The following VRK2 variants were observed in gnomAD, a reference collection of about 807,000 sequenced individuals.
The protein encoded by VRK2 is serine/threonine-protein kinase VRK2.
Under a neutral mutation model 57.6 loss-of-function variants are expected in VRK2, and 60 were observed. That is an observed-to-expected ratio of 1.04 (90% CI 0.85 to 1.29). VRK2 has a LOEUF of 1.29. Ranked by LOEUF, VRK2 falls within the 50% of genes most tolerant of loss-of-function variation. The pLI, the probability that VRK2 is intolerant of heterozygous loss-of-function variation, is 0.00. For missense variants in VRK2, 705 were observed against 588.1 expected (o/e 1.20, Z -2.06); for synonymous variants, 231 against 199.2 (o/e 1.16, Z -1.35).
intron 7 of VRK2, among the ~76,000 whole-genome samples, chr2:58,120,952 A>G (rs369406949): frequency 2.0e-4 from 30 of 152,346 alleles, no homozygotes; most frequent in East Asian, 1.9e-3. Flanking sequence ...TCAAACTCTC[A>G]TCTATATTGC....
chr2:57,993,384 A>G (rs955891697), intron 1 of VRK2, among the ~76,000 whole-genome samples: 5 of 152,146 alleles, frequency 3.3e-5, no homozygotes, highest in African/African-American at 1.2e-4. Context: ...GTACAGTTAC[A>G]TTAGAATTAA....
chr2:58,058,818 G>C (rs1350356574), intron 2 of VRK2, among the ~76,000 whole-genome samples: 2 of 152,038 alleles, frequency 1.3e-5, no homozygotes, highest in Non-Finnish European at 2.9e-5. Flanking sequence ...GCCTAAAGAG[G>C]ATACGTAAAT....
chr2:57,987,987 T>C (rs142172351), intron 1 of VRK2, among the ~76,000 whole-genome samples: 2,123 of 152,254 alleles, frequency 0.014, 27 homozygotes, highest in Middle Eastern at 0.031. Flanking sequence ...CAGTTGTTAC[T>C]AGGGCCTGGG....
At chr2:57,913,816 A>T (rs1204305539) in intron 1 of VRK2, among the ~76,000 whole-genome samples, 1 of 152,232 alleles carries the variant, frequency 6.6e-6, no homozygotes, top group East Asian at 1.9e-4. Flanking sequence ...TTAAAAAAAT[A>T]CTGTTTCTAT....
intron 1 of VRK2, among the ~76,000 whole-genome samples, chr2:57,922,721 G>T (rs932631794): frequency 6.6e-6 from 1 of 151,348 alleles, no homozygotes; most frequent in African/African-American, 2.4e-5. Context: ...ATGACCTCAA[G>T]AATTTATTCT....
chr2:57,986,652 G>A (rs1672604154), intron 1 of VRK2, among the ~76,000 whole-genome samples: 2 of 141,422 alleles, frequency 1.4e-5, no homozygotes, highest in African/African-American at 5.3e-5. Context: ...AGGCTGGAGT[G>A]CAGTGGCACG....
At chr2:57,934,140 T>C (rs1462747649) in intron 1 of VRK2, among the ~76,000 whole-genome samples, 1 of 152,246 alleles carries the variant, frequency 6.6e-6, no homozygotes, top group Non-Finnish European at 1.5e-5. Context: ...CCTTTGTCTT[T>C]TAATCATTAT....
chr2:57,946,826 T>C (rs1190116762), intron 1 of VRK2, among the ~76,000 whole-genome samples: 1 of 152,138 alleles, frequency 6.6e-6, no homozygotes, highest in South Asian at 2.1e-4. Context: ...GCGAGATTCA[T>C]GTGTGTGACA....
chr2:57,973,865 A>C (rs903114306), intron 1 of VRK2, among the ~76,000 whole-genome samples: 1 of 151,854 alleles, frequency 6.6e-6, no homozygotes, highest in African/African-American at 2.4e-5. Context: ...AAAAAAAATT[A>C]GTTGAAAATT....
chr2:58,119,982 C>G (rs1035042199), intron 7 of VRK2, among the ~76,000 whole-genome samples: 6 of 151,642 alleles, frequency 4.0e-5, no homozygotes, highest in Non-Finnish European at 7.4e-5. Flanking sequence ...ATGAAGACCT[C>G]CAAGAACATT....
At chr2:58,089,353 C>T (rs1335529340) in intron 6 of VRK2, among the ~76,000 whole-genome samples, 1 of 152,156 alleles carries the variant, frequency 6.6e-6, no homozygotes, top group Admixed American at 6.5e-5. Flanking sequence ...GGTTTGGCTA[C>T]TGGGCTATCA....
chr2:58,146,601 C>A, intron 12 of VRK2, 127 bp downstream of exon 12: 2 of 1,070,072 alleles, frequency 1.9e-6, no homozygotes, highest in Non-Finnish European at 2.6e-6. Flanking sequence ...TGAGAAGGGA[C>A]AGAAAATATC....
At chr2:58,012,023 T>G (rs1157184852) in intron 1 of VRK2, among the ~76,000 whole-genome samples, 1 of 152,208 alleles carries the variant, frequency 6.6e-6, no homozygotes, top group Non-Finnish European at 1.5e-5. Flanking sequence ...CACCAGACAC[T>G]GTTACTCCAA....
intron 1 of VRK2, among the ~76,000 whole-genome samples, chr2:57,975,981 C>T (rs1246121159): frequency 1.3e-5 from 2 of 151,922 alleles, no homozygotes; most frequent in African/African-American, 2.4e-5. Flanking sequence ...ATGCAATCAA[C>T]GTTTAGCTCC....
intron 1 of VRK2, among the ~76,000 whole-genome samples, chr2:57,918,056 A>G (rs1407674695): frequency 6.6e-6 from 1 of 152,194 alleles, no homozygotes; most frequent in Non-Finnish European, 1.5e-5. Flanking sequence ...ACTACCCAGC[A>G]GTAATTAATT....
intron 12 of VRK2, 37 bp downstream of exon 12, chr2:58,146,511 A>G (rs772863362): frequency 3.2e-6 from 5 of 1,586,876 alleles, no homozygotes; most frequent in Admixed American, 1.7e-5. Context: ...TTCTAACTTA[A>G]TGTTACATTA....
At chr2:58,098,990 A>G (rs1673561054) in intron 7 of VRK2, among the ~76,000 whole-genome samples, 1 of 151,944 alleles carries the variant, frequency 6.6e-6, no homozygotes, top group Admixed American at 6.6e-5. Context: ...AACCTTGCTG[A>G]TTTTGGAATA....
intron 1 of VRK2, among the ~76,000 whole-genome samples, chr2:57,925,723 TTTTA>T (rs1332756217): frequency 6.6e-5 from 10 of 151,748 alleles, no homozygotes; most frequent in Non-Finnish European, 1.5e-4. Context: ...TTCATTTCAG[TTTTA>T]TTTATTTTTC....
chr2:57,923,609 T>G (rs144821544), intron 1 of VRK2, among the ~76,000 whole-genome samples: 1 of 152,034 alleles, frequency 6.6e-6, no homozygotes, highest in East Asian at 1.9e-4. Flanking sequence ...TGTTTGAACT[T>G]CTTATATATT....
Sources: gnomAD v4.1 joint callset for allele counts (sites outside exome capture counted in the v4.1 genomes callset) on GRCh38, gnomAD v4.1.1 for gene constraint, MANE v1.5 for transcripts, NCBI Gene and HGNC (gene_info 2026-07-23, HGNC 2026-07-21) for gene names.